The following GANC variants were observed in gnomAD, a reference collection of about 807,000 sequenced individuals.
The protein encoded by GANC is glucosidase alpha, neutral C.
In GANC, 117 loss-of-function variants were observed where a neutral mutation model predicts 124.2. The observed-to-expected ratio is 0.94, with a 90% CI of 0.81 to 1.10. The LOEUF is 1.10. Ranked by LOEUF, GANC falls within the 50% of genes least tolerant of loss-of-function variation. The probability of loss-of-function intolerance (pLI) is 0.00; values close to 1 mark genes in which losing one functional copy is unlikely to be tolerated. For synonymous variants in GANC, 377 were observed against 376.8 expected (o/e 1.00, Z -0.01); for missense variants, 1,140 against 1,095.0 (o/e 1.04, Z -0.58).
At chr15:42,309,785 G>A (rs1414133597) in intron 8 of GANC, among the ~76,000 whole-genome samples, 7 of 151,936 alleles carry the variant, frequency 4.6e-5, no homozygotes, top group African/African-American at 1.2e-4. Flanking sequence ...TTGGGAGGCC[G>A]AGGTGGGTAG....
chr15:42,301,216 C>T (rs980079312), intron 6 of GANC, among the ~76,000 whole-genome samples: 8 of 152,058 alleles, frequency 5.3e-5, no homozygotes, highest in African/African-American at 1.4e-4. Flanking sequence ...GAGGGCGAGC[C>T]GAAGCAGGGT....
At chr15:42,289,814 G>C (rs1340044520) in intron 4 of GANC, among the ~76,000 whole-genome samples, 1 of 152,090 alleles carries the variant, frequency 6.6e-6, no homozygotes, top group Non-Finnish European at 1.5e-5. Flanking sequence ...TTTGAGATAG[G>C]GTCTTTAAAG....
Position 42,339,810 on chromosome 15 carries a change from A to G in GANC, c.1985A>G (p.His662Arg). 6.2e-7 allele frequency: 1 copy of G among 1,614,112 alleles called. No individual in the cohort carries two copies. The highest frequency in any genetic ancestry group is 1.1e-5 in the South Asian group (1 of 91,078). Reference sequence around the variant, plus strand: ...GAGCCCTGGCTCTTTGGGGAGGAACACACCCGACTCATCCGAGAAGCCATC... The same window carrying G: ...GAGCCCTGGCTCTTTGGGGAGGAACGCACCCGACTCATCCGAGAAGCCATC... ...RREPWLFGEEHTRLIREAIRE... is the reference protein window; with the variant it reads ...RREPWLFGEERTRLIREAIRE... The change falls in exon 17 of 24, where the codon CAC becomes CGC. Residue 662 changes from histidine (H) to arginine (R), a missense_variant. By Grantham distance (29) the His-to-Arg change is conservative. Coordinates refer to ENST00000318010, the MANE Select transcript of GANC (RefSeq NM_198141.3).
intron 3 of GANC, chr15:42,283,565 C>T (rs2051754865): frequency 2.9e-6 from 2 of 678,784 alleles, no homozygotes; most frequent in South Asian, 1.6e-5. Context: ...GATGCTTTCT[C>T]ATGATATAGG....
At chr15:42,284,194 CT>C in intron 3 of GANC, 1 of 596,672 alleles carries the variant, frequency 1.7e-6, no homozygotes, top group Admixed American at 3.0e-5. Flanking sequence ...TTAACACCCA[CT>C]GCAAATTTAA....
intron 10 of GANC, among the ~76,000 whole-genome samples, chr15:42,313,454 T>G (rs1359208786): frequency 6.6e-6 from 1 of 152,180 alleles, no homozygotes; most frequent in African/African-American, 2.4e-5. Context: ...ACCTACAGAA[T>G]GGGAGAAAAT....
intron 10 of GANC, among the ~76,000 whole-genome samples, chr15:42,318,735 T>C (rs977037884): frequency 6.6e-6 from 1 of 152,152 alleles, no homozygotes; most frequent in Non-Finnish European, 1.5e-5. Flanking sequence ...TTAACAGGCA[T>C]GTGCCACCAT....
chr15:42,352,018 C>A lies in GANC; in HGVS notation c.2636-12C>A, dbSNP rs373200710. On this transcript the variant is annotated splice_polypyrimidine_tract_variant and intron_variant, in intron 23 of 23. Transcript: ENST00000318010. ...CATCAAAATTTCCCTCTTTTATTGTCTTGCTATTTAGATGGTAAAGATCAG... is the reference window on the plus strand; with the variant it reads ...CATCAAAATTTCCCTCTTTTATTGTATTGCTATTTAGATGGTAAAGATCAG... 62 of 1,613,792 alleles carry A rather than the reference C, an allele frequency of 3.8e-5. No homozygotes were observed. Among genetic ancestry groups the A allele is most frequent in the Non-Finnish European group, 4.6e-5 (54 of 1,179,852 alleles).
chr15:42,342,361 C>T (rs1168776988), intron 18 of GANC, among the ~76,000 whole-genome samples: 3 of 152,192 alleles, frequency 2.0e-5, no homozygotes, highest in South Asian at 2.1e-4. Context: ...AGTATGAGAT[C>T]GCTTAAATTG....
intron 6 of GANC, among the ~76,000 whole-genome samples, chr15:42,302,412 G>C (rs1246297798): frequency 6.6e-6 from 1 of 152,106 alleles, no homozygotes; most frequent in Non-Finnish European, 1.5e-5. Context: ...AGCGCAAAAG[G>C]CTGAAAATTC....
chr15:42,335,752 A>G (rs575155978), intron 15 of GANC, among the ~76,000 whole-genome samples: 1 of 152,324 alleles, frequency 6.6e-6, no homozygotes, highest in South Asian at 2.1e-4. Flanking sequence ...TTAAGCTAAT[A>G]AACAACTTCA....
At position 42,347,633 on chromosome 15, in the gene GANC, G is replaced by T. The variant is rs989612293; in HGVS notation, c.2305-470G>T. On this transcript the variant is annotated intron_variant, in intron 20 of 23. Coordinates refer to ENST00000318010, the MANE Select transcript of GANC (RefSeq NM_198141.3). ...CAGTGAGTGAGGACAAAAGTCATCTGTCCAAACCAAGAAACCACCATCAGT... is the reference window on the plus strand; with the variant it reads ...CAGTGAGTGAGGACAAAAGTCATCTTTCCAAACCAAGAAACCACCATCAGT... Among the ~76,000 whole-genome samples the T allele has an allele frequency of 2.6e-5, 4 of 152,166 alleles. No individual in the cohort carries two copies. In the East Asian group the frequency reaches 7.7e-4, roughly 29 times the overall value.
chr15:42,328,521 A>G (rs558629248), intron 13 of GANC, among the ~76,000 whole-genome samples: 3 of 150,670 alleles, frequency 2.0e-5, no homozygotes, highest in Admixed American at 6.6e-5. Flanking sequence ...AAAAAAAAAA[A>G]CAAGCCACCT....
At chr15:42,298,550 G>T (rs912790108) in intron 6 of GANC, among the ~76,000 whole-genome samples, 4 of 152,174 alleles carry the variant, frequency 2.6e-5, no homozygotes, top group African/African-American at 9.7e-5. Flanking sequence ...AAGTAGCAGA[G>T]ATGCATGGTC....
chr15:42,326,254 T>C, intron 11 of GANC, 44 bp from the exon 12 acceptor site: 1 of 1,388,208 alleles, frequency 7.2e-7, no homozygotes, highest in East Asian at 2.3e-5. Context: ...AACATTTGTC[T>C]TACATAAAAC....
intron 15 of GANC, among the ~76,000 whole-genome samples, chr15:42,334,197 T>G (rs183137850): frequency 6.6e-6 from 1 of 151,764 alleles, no homozygotes; most frequent in Non-Finnish European, 1.5e-5. Context: ...AGTCTCACTC[T>G]GTTGCCCAGG....
intron 15 of GANC, among the ~76,000 whole-genome samples, chr15:42,337,451 G>A (rs1248381929): frequency 2.6e-5 from 4 of 152,096 alleles, no homozygotes; most frequent in Non-Finnish European, 5.9e-5. Flanking sequence ...GCAAACTAAT[G>A]CAGAAACAGA....
intron 9 of GANC, 67 bp from the exon 10 acceptor site, chr15:42,310,626 T>A: frequency 6.4e-7 from 1 of 1,568,374 alleles, no homozygotes; most frequent in East Asian, 2.3e-5. Context: ...AGACTGTTAC[T>A]TATATGTGGC....
chr15:42,328,938 C>G (rs773008106), intron 13 of GANC, among the ~76,000 whole-genome samples: 2 of 152,216 alleles, frequency 1.3e-5, no homozygotes, highest in Non-Finnish European at 2.9e-5. Context: ...GTTGTAGCAT[C>G]TGATGAATGA....
Sources: gnomAD v4.1 joint callset for allele counts (sites outside exome capture counted in the v4.1 genomes callset) on GRCh38, gnomAD v4.1.1 for gene constraint, MANE v1.5 for transcripts, NCBI Gene and HGNC (gene_info 2026-07-23, HGNC 2026-07-21) for gene names.